The following ADD1 variants were observed in gnomAD, a reference collection of about 807,000 sequenced individuals.
ADD1 encodes the protein adducin 1, also known as alpha-adducin.
In ADD1, 24 loss-of-function variants were observed where a neutral mutation model predicts 80.5. That is an observed-to-expected ratio of 0.30 (90% CI 0.22 to 0.42). ADD1 has a LOEUF of 0.42. ADD1 is among the 10% of genes least tolerant of loss of function. ADD1 has a pLI of 1.00. For missense variants in ADD1, 948 were observed against 1,019.0 expected (o/e 0.93, Z 0.95); for synonymous variants, 373 against 393.8 (o/e 0.95, Z 0.63).
chr4:2,911,263 T>C (rs1737970907), intron 13 of ADD1, among the ~76,000 whole-genome samples: 1 of 152,094 alleles, frequency 6.6e-6, no homozygotes. Flanking sequence ...TGGAAAGGAC[T>C]TTCCTTTGCC....
chr4:2,882,720 G>C (rs537113930), intron 3 of ADD1, among the ~76,000 whole-genome samples: 2 of 152,284 alleles, frequency 1.3e-5, no homozygotes, highest in South Asian at 4.1e-4. Context: ...CTTAGAAGTT[G>C]AATAGCATTC....
At chr4:2,896,269 C>T (rs548366619) in intron 6 of ADD1, among the ~76,000 whole-genome samples, 1 of 151,000 alleles carries the variant, frequency 6.6e-6, no homozygotes, top group Non-Finnish European at 1.5e-5. Flanking sequence ...AGTGCAGTGG[C>T]GCACTCTCAA....
intron 14 of ADD1, among the ~76,000 whole-genome samples, chr4:2,918,343 G>A (rs1485055414): frequency 2.6e-5 from 4 of 152,206 alleles, no homozygotes; most frequent in Non-Finnish European, 4.4e-5. Context: ...AGGAATGCTT[G>A]TGATTTTTGC....
intron 1 of ADD1, among the ~76,000 whole-genome samples, chr4:2,852,138 T>TTTTC (rs754218185): frequency 0.11 from 11,185 of 97,638 alleles, 1,190 homozygotes; most frequent in Middle Eastern, 0.2. Context: ...ACCCGGCCTC[T>TTTTC]TTTCTTTCTT....
Position 2,865,814 on chromosome 4 carries a change from T to C in ADD1, c.-20-10082T>C, listed in dbSNP as rs190728499. Among the ~76,000 whole-genome samples the C allele has an allele frequency of 7.3e-4, 111 of 152,282 alleles. 1 individual carries two copies. The highest frequency in any genetic ancestry group is 1.9e-4 in the Non-Finnish European group (13 of 68,028). ...AGATTTCATCACTTCAACAAAACTA[T>C]AGTTAAAAAATTAAAATATTATATT... On this transcript the variant is annotated intron_variant, in intron 1 of 15. Coordinates refer to ENST00000683351, the MANE Select transcript of ADD1 (RefSeq NM_001354761.2).
intron 4 of ADD1, among the ~76,000 whole-genome samples, chr4:2,888,760 A>T (rs1448247196): frequency 6.6e-6 from 1 of 152,154 alleles, no homozygotes; most frequent in Non-Finnish European, 1.5e-5. Context: ...TCAGCAGTAG[A>T]TAGGAAATGG....
intron 14 of ADD1, among the ~76,000 whole-genome samples, chr4:2,915,775 G>A (rs1013650038): frequency 1.3e-5 from 2 of 152,218 alleles, no homozygotes; most frequent in Admixed American, 6.5e-5. Context: ...GGTGAGCCGA[G>A]ATCGTGCCAT....
chr4:2,856,428 A>T (rs115275275), intron 1 of ADD1, among the ~76,000 whole-genome samples: 1 of 152,050 alleles, frequency 6.6e-6, no homozygotes, highest in African/African-American at 2.4e-5. Context: ...ATTCATTACA[A>T]TGTGTGTAAG....
chr4:2,894,858 G>T, intron 6 of ADD1, 127 bp downstream of exon 6: 2 of 1,022,278 alleles, frequency 2.0e-6, no homozygotes, highest in Non-Finnish European at 2.7e-6. Context: ...TAAAAAAAAA[G>T]GTGTACCACT....
chr4:2,859,888 T>C (rs1728597272), intron 1 of ADD1, among the ~76,000 whole-genome samples: 1 of 151,762 alleles, frequency 6.6e-6, no homozygotes, highest in Non-Finnish European at 1.5e-5. Flanking sequence ...TCTTACTGTT[T>C]TATAATTATT....
At chr4:2,927,432 TTAAACAC>T (rs1275858754) in intron 15 of ADD1, among the ~76,000 whole-genome samples, 1 of 152,232 alleles carries the variant, frequency 6.6e-6, no homozygotes, top group Non-Finnish European at 1.5e-5. Context: ...GGCTTGATTT[TTAAACAC>T]TAAACAGCTT....
chr4:2,869,979 T>G (rs1577487160), intron 1 of ADD1, among the ~76,000 whole-genome samples: 2 of 152,342 alleles, frequency 1.3e-5, no homozygotes, highest in Non-Finnish European at 1.5e-5. Context: ...GACAAGATCC[T>G]TTGGGTCCTC....
intron 4 of ADD1, among the ~76,000 whole-genome samples, chr4:2,888,054 GTTATTA>G (rs528019059): frequency 6.6e-6 from 1 of 151,826 alleles, no homozygotes; most frequent in East Asian, 1.9e-4. Flanking sequence ...TAATTACAGC[GTTATTA>G]TTATTATTAT....
intron 1 of ADD1, among the ~76,000 whole-genome samples, chr4:2,845,645 C>G (rs572702270): frequency 1.4e-4 from 22 of 152,210 alleles, no homozygotes; most frequent in African/African-American, 3.9e-4. Flanking sequence ...AAATATACTT[C>G]GTACAAGCTG....
chr4:2,868,922 A>G (rs1341849490), intron 1 of ADD1, among the ~76,000 whole-genome samples: 5 of 152,140 alleles, frequency 3.3e-5, no homozygotes, highest in African/African-American at 1.2e-4. Flanking sequence ...TAGAGAGAAT[A>G]GTTAAATTAG....
At chr4:2,881,134 A>G (rs190666435) in intron 2 of ADD1, among the ~76,000 whole-genome samples, 2,417 of 139,642 alleles carry the variant, frequency 0.017, 51 homozygotes, top group African/African-American at 0.046. Context: ...CTGGAGTGCA[A>G]TGGCCCAATC....
At position 2,909,380 on chromosome 4, in the gene ADD1, C is replaced by T. The variant is rs113301546; in HGVS notation, c.1740C>T (p.Leu580=). The T allele has an allele frequency of 5.8e-6, 9 of 1,550,438 alleles. No individual in the cohort carries two copies. Among genetic ancestry groups the T allele is most frequent in the Non-Finnish European group, 6.1e-6 (7 of 1,146,942 alleles). The stretch of plus-strand genomic sequence containing the variant: ...ACTGTACGGAAACTATCGAAGGGCT[C>T]GAGCTTACAGAGCAGACCTTTAGTC... ...LSDCTETIEG[L]ELTEQTFSPA... is the part of the protein sequence containing the mutation. Residue 580 remains leucine, a synonymous_variant, in exon 13 of 16, where the codon CTC becomes CTT. Coordinates refer to ENST00000683351, the MANE Select transcript of ADD1 (RefSeq NM_001354761.2).
intron 2 of ADD1, among the ~76,000 whole-genome samples, chr4:2,877,921 C>T (rs1454932371): frequency 2.6e-5 from 4 of 152,062 alleles, no homozygotes; most frequent in East Asian, 1.9e-4. Flanking sequence ...GAGTTGTGAT[C>T]GTGCCAGTGC....
chr4:2,894,519 AAAAAAAG>A, intron 5 of ADD1, 56 bp from the exon 6 acceptor site: 1 of 1,497,778 alleles, frequency 6.7e-7, no homozygotes, highest in Non-Finnish European at 9.0e-7. Flanking sequence ...AAAAAAAAAA[AAAAAAAG>A]AAAAGAAAAA....
Sources: allele counts gnomAD v4.1 joint callset (sites outside exome capture counted in the v4.1 genomes callset), GRCh38; gene constraint gnomAD v4.1.1; transcripts MANE v1.5; gene names NCBI Gene and HGNC (gene_info 2026-07-23, HGNC 2026-07-21).